IGSF5: variants seen among roughly 807,000 people sequenced by gnomAD.
IGSF5 encodes the protein immunoglobulin superfamily member 5.
IGSF5 carries 41 observed loss-of-function variants against 39.4 expected under a neutral mutation model. The observed-to-expected ratio is 1.04, with a 90% CI of 0.81 to 1.35. The LOEUF (loss-of-function observed/expected upper bound fraction) is 1.35. Ranked by LOEUF, IGSF5 falls within the 40% of genes most tolerant of loss-of-function variation. The probability of loss-of-function intolerance (pLI) is 0.00; values close to 1 mark genes in which losing one functional copy is unlikely to be tolerated. For synonymous variants in IGSF5, 183 were observed against 175.3 expected (o/e 1.04, Z -0.34); for missense variants, 487 against 494.6 (o/e 0.98, Z 0.15).
the IGSF5 span, among the ~76,000 whole-genome samples, chr21:39,714,766 C>T: frequency 6.6e-6 from 1 of 152,218 alleles, no homozygotes; most frequent in African/African-American, 2.4e-5. Context: ...GGTTAGGGCT[C>T]ACCCTAGTGA....
intron 8 of IGSF5, among the ~76,000 whole-genome samples, chr21:39,796,025 G>A (rs533606103): frequency 2.0e-4 from 31 of 152,288 alleles, no homozygotes; most frequent in Middle Eastern, 3.4e-3. Flanking sequence ...GGACTTTGCC[G>A]TCATGGGCCC....
At chr21:39,730,446 T>C in the IGSF5 span, 2 of 152,128 alleles carry the variant, frequency 1.3e-5, no homozygotes, top group Non-Finnish European at 2.9e-5. Flanking sequence ...ACATGTCTTT[T>C]TTGGGGGCCA....
chr21:39,717,290 G>A, the IGSF5 span, among the ~76,000 whole-genome samples: 1 of 152,166 alleles, frequency 6.6e-6, no homozygotes, highest in East Asian at 1.9e-4. Flanking sequence ...CATTTTGCAG[G>A]CTGTATGTTT....
In IGSF5 at chr21:39,801,462, T is replaced by C; in HGVS notation, c.*105T>C. On this transcript the variant is annotated 3_prime_UTR_variant, in exon 9 of 9. Coordinates refer to ENST00000380588, the MANE Select transcript of IGSF5 (RefSeq NM_001080444.2). ...GACTGGCCTGCAGCTTTGCCAACAT[T>C]ACCTGAAGAGGAGATGTCGGAGTCA... The C allele has an allele frequency of 5.2e-6, 4 of 766,428 alleles. No homozygotes were observed. The highest frequency in any genetic ancestry group is 8.8e-6 in the Non-Finnish European group (4 of 454,918). The allele number at this position is 766,428 out of a possible 1,614,324, so 47.5% of individuals were successfully genotyped here. A position where few individuals can be genotyped will look rare whatever the true frequency, so the allele number is the denominator to read the frequency against.
At chr21:39,791,966 A>T in intron 6 of IGSF5, 42 bp from the exon 7 acceptor site, 1 of 1,378,592 alleles carries the variant, frequency 7.3e-7, no homozygotes, top group Non-Finnish European at 1.0e-6. Context: ...TGGCAATGTT[A>T]ATGCCAACAA....
intron 3 of IGSF5, among the ~76,000 whole-genome samples, chr21:39,766,925 C>T (rs62237178): frequency 0.21 from 31,402 of 151,930 alleles, 4,402 homozygotes; most frequent in Non-Finnish European, 0.32. Flanking sequence ...GATTTGATAG[C>T]CTTTGGTGGA....
intron 2 of IGSF5, among the ~76,000 whole-genome samples, chr21:39,763,773 C>T (rs1385118579): frequency 1.3e-5 from 2 of 152,144 alleles, no homozygotes; most frequent in Admixed American, 1.3e-4. Flanking sequence ...ATCACGGACC[C>T]TCGGGGCGCA....
chr21:39,740,690 C>T, upstream of IGSF5, among the ~76,000 whole-genome samples: 1 of 152,180 alleles, frequency 6.6e-6, no homozygotes, highest in East Asian at 1.9e-4. Flanking sequence ...TAAATGGTCC[C>T]CTCGAGTGGC....
chr21:39,760,532 GA>G (rs1193040243), intron 2 of IGSF5, among the ~76,000 whole-genome samples: 2 of 151,956 alleles, frequency 1.3e-5, no homozygotes, highest in East Asian at 3.9e-4. Flanking sequence ...TGAAGTTTGG[GA>G]AAAATTGTAG....
At chr21:39,793,424 GC>G in intron 7 of IGSF5, 109 bp from the exon 8 acceptor site, 2 of 746,816 alleles carry the variant, frequency 2.7e-6, no homozygotes, top group Non-Finnish European at 4.6e-6. Context: ...TAAGGATTAT[GC>G]CAGCGGTACT....
chr21:39,775,349 T>C (rs931265068), intron 4 of IGSF5, among the ~76,000 whole-genome samples: 12 of 152,180 alleles, frequency 7.9e-5, no homozygotes, highest in Non-Finnish European at 1.3e-4. Flanking sequence ...AGGGAGTGAT[T>C]GTCATTCACA....
intron 7 of IGSF5, among the ~76,000 whole-genome samples, chr21:39,792,686 G>A (rs187685624): frequency 6.6e-6 from 1 of 152,242 alleles, no homozygotes; most frequent in African/African-American, 2.4e-5. Context: ...CAGGGAGTTG[G>A]GAATGCTGGA....
chr21:39,756,089 T>TCAAACAAA (rs10533195), intron 2 of IGSF5, among the ~76,000 whole-genome samples: 1 of 151,236 alleles, frequency 6.6e-6, no homozygotes, highest in Admixed American at 6.6e-5. Flanking sequence ...GGACTCGGTC[T>TCAAACAAA]CAAACAAACA....
At chr21:39,776,591 T>C (rs1440277775) in intron 4 of IGSF5, among the ~76,000 whole-genome samples, 1 of 152,204 alleles carries the variant, frequency 6.6e-6, no homozygotes, top group South Asian at 2.1e-4. Context: ...TCAGTCACCA[T>C]TCCCAGCAAA....
chr21:39,750,641 G>T (rs1036841991), intron 2 of IGSF5, among the ~76,000 whole-genome samples: 1 of 152,060 alleles, frequency 6.6e-6, no homozygotes, highest in Non-Finnish European at 1.5e-5. Flanking sequence ...AGGGTGGGGG[G>T]TTGGAGCTCT....
chr21:39,738,403 C>G, the IGSF5 span, among the ~76,000 whole-genome samples: 1 of 152,168 alleles, frequency 6.6e-6, no homozygotes, highest in Non-Finnish European at 1.5e-5. The surrounding 1 kb of genome is among the most constrained non-coding windows in gnomAD (Gnocchi z 6.4). Flanking sequence ...CCACAATACG[C>G]AGGAATTAAC....
At chr21:39,733,145 A>G in the IGSF5 span, among the ~76,000 whole-genome samples, 181 of 152,320 alleles carry the variant, frequency 1.2e-3, 2 homozygotes, top group East Asian at 0.028. Flanking sequence ...ATGCATACAT[A>G]AATTCATCTC....
At chr21:39,723,348 T>G in the IGSF5 span, among the ~76,000 whole-genome samples, 3 of 152,196 alleles carry the variant, frequency 2.0e-5, no homozygotes, top group African/African-American at 7.2e-5. Context: ...AACATGACTA[T>G]GTGCACCATC....
intron 3 of IGSF5, 110 bp downstream of exon 3, chr21:39,765,962 G>A (rs1015927457): frequency 2.1e-6 from 2 of 951,002 alleles, no homozygotes; most frequent in Middle Eastern, 3.2e-4. Context: ...ACCTTCAGTT[G>A]GTGTTGACCT....
Sources: gnomAD v4.1 joint callset for allele counts (sites outside exome capture counted in the v4.1 genomes callset) on GRCh38, gnomAD v4.1.1 for gene constraint, Gnocchi (gnomAD v3.1) non-coding constraint, MANE v1.5 for transcripts, NCBI Gene and HGNC (gene_info 2026-07-23, HGNC 2026-07-21) for gene names.